Variants in NEBL observed in about 807,000 individuals in gnomAD.
NEBL encodes the protein LIM and SH3 protein 2.
In NEBL, 122 loss-of-function variants were observed where a neutral mutation model predicts 140.2. That is an observed-to-expected ratio of 0.87 (90% CI 0.75 to 1.01). The LOEUF (loss-of-function observed/expected upper bound fraction) is 1.01. Ranked by LOEUF, NEBL falls within the 50% of genes least tolerant of loss-of-function variation. NEBL has a pLI of 0.00. For synonymous variants in NEBL, 436 were observed against 398.9 expected (o/e 1.09, Z -1.11); for missense variants, 1,365 against 1,231.3 (o/e 1.11, Z -1.62).
chr10:21,050,638 G>A (rs931373831), intron 2 of NEBL, among the ~76,000 whole-genome samples: 6 of 152,176 alleles, frequency 3.9e-5, no homozygotes, highest in Non-Finnish European at 2.9e-5. Flanking sequence ...TAATTTGACT[G>A]CGTAGATTCC....
In NEBL at chr10:21,146,266, G is replaced by A; in HGVS notation, c.164+26117C>T. On this transcript the variant is annotated intron_variant, in intron 2 of 6. Coordinates refer to the NEBL transcript ENST00000417816. ...CTCTTACAGCTGCACGTGTCAGGCA[G>A]CATCATTTACATCACCACGTGGCCC... is the stretch of plus-strand genomic sequence containing the variant. 7.7e-6 allele frequency: 9 copies of A among 1,167,886 alleles called. No individual in the cohort carries two copies. The Admixed American group carries it at 1.3e-4, about 17-fold the overall frequency. 72.3% of individuals were successfully genotyped at this position (1,167,886 alleles called of 1,614,324 possible).
At position 21,267,795 on chromosome 10, in the gene NEBL, A is replaced by G. The variant is rs147155467; in HGVS notation, n.183-15967T>C. Among the ~76,000 whole-genome samples, 402 of 152,368 alleles carry G rather than the reference A, an allele frequency of 2.6e-3. 2 individuals carry two copies. Among genetic ancestry groups the G allele is most frequent in the African/African-American group, 9.1e-3 (380 of 41,588 alleles). ...AAAAATTCATTTGTTCGTCAGTTGT[A>G]CTGGCCACACTTCAAGTGCTCAGTA... On this transcript the variant is annotated intron_variant and non_coding_transcript_variant, in intron 1 of 8. Transcript: ENST00000675702.
intron 3 of NEBL, among the ~76,000 whole-genome samples, chr10:21,233,694 A>T (rs1389012668): frequency 6.9e-6 from 1 of 144,674 alleles, no homozygotes; most frequent in Non-Finnish European, 1.5e-5. Flanking sequence ...CTAGATATAG[A>T]GACATATTTA....
At chr10:21,130,328 A>G (rs1839044565) in intron 2 of NEBL, among the ~76,000 whole-genome samples, 1 of 152,160 alleles carries the variant, frequency 6.6e-6, no homozygotes, top group South Asian at 2.1e-4. Context: ...CCCCTCTATC[A>G]GTACCAGACA....
intron 4 of NEBL, 97 bp from the exon 5 acceptor site, chr10:20,881,001 C>A: frequency 1.2e-6 from 1 of 854,114 alleles, no homozygotes; most frequent in Admixed American, 1.9e-5. Flanking sequence ...ATTTGAATAC[C>A]ACCACTGATA....
intron 26 of NEBL, among the ~76,000 whole-genome samples, chr10:20,806,500 A>G (rs1214790839): frequency 6.6e-6 from 1 of 152,080 alleles, no homozygotes; most frequent in East Asian, 1.9e-4. Flanking sequence ...TCACATCTCT[A>G]CTCAAATATC....
chr10:21,203,291 G>A (rs555528293), intron 3 of NEBL, among the ~76,000 whole-genome samples: 1 of 152,186 alleles, frequency 6.6e-6, no homozygotes, highest in East Asian at 1.9e-4. Context: ...AAGCCCAGAT[G>A]GCCACAAGCT....
chr10:20,871,955 A>C (rs1439624896), intron 5 of NEBL, among the ~76,000 whole-genome samples: 6 of 152,216 alleles, frequency 3.9e-5, no homozygotes, highest in African/African-American at 1.4e-4. Flanking sequence ...TCTCAGGTGA[A>C]AACAAACCCA....
intron 3 of NEBL, among the ~76,000 whole-genome samples, chr10:21,207,606 C>A (rs1841847817): frequency 6.6e-6 from 1 of 152,024 alleles, no homozygotes; most frequent in Non-Finnish European, 1.5e-5. Context: ...CTCTCATGAC[C>A]TTGAGCTTCT....
At chr10:21,191,944 G>C (rs988246795) in intron 3 of NEBL, among the ~76,000 whole-genome samples, 5 of 152,160 alleles carry the variant, frequency 3.3e-5, no homozygotes, top group African/African-American at 1.2e-4. Flanking sequence ...GTAAAACAAA[G>C]TTTTTAGAAT....
At chr10:21,127,268 CA>C (rs1838883348) in intron 2 of NEBL, among the ~76,000 whole-genome samples, 1 of 151,928 alleles carries the variant, frequency 6.6e-6, no homozygotes, top group Non-Finnish European at 1.5e-5. Context: ...TTCAAGATAT[CA>C]AATACATAAT....
At chr10:21,017,219 T>C (rs1168235215) in intron 3 of NEBL, among the ~76,000 whole-genome samples, 2 of 152,362 alleles carry the variant, frequency 1.3e-5, no homozygotes, top group South Asian at 2.1e-4. Flanking sequence ...AAGTTGTTTA[T>C]GATTAAATAA....
At chr10:20,847,840 C>A (rs2131028417) in intron 11 of NEBL, among the ~76,000 whole-genome samples, 1 of 152,300 alleles carries the variant, frequency 6.6e-6, no homozygotes. Context: ...ATAAACCTGT[C>A]TGTTCCATTA....
At chr10:21,063,314 A>G (rs1344296936) in intron 2 of NEBL, among the ~76,000 whole-genome samples, 1 of 152,164 alleles carries the variant, frequency 6.6e-6, no homozygotes, top group Non-Finnish European at 1.5e-5. Flanking sequence ...GATCACCATC[A>G]AGGACATGGG....
intron 7 of NEBL, among the ~76,000 whole-genome samples, chr10:20,864,027 A>G (rs1222134157): frequency 6.6e-6 from 1 of 152,188 alleles, no homozygotes; most frequent in Non-Finnish European, 1.5e-5. Context: ...TTTTCATGGC[A>G]ATTTATAATG....
At chr10:21,063,010 C>T (rs1835370097) in intron 2 of NEBL, among the ~76,000 whole-genome samples, 1 of 151,930 alleles carries the variant, frequency 6.6e-6, no homozygotes, top group African/African-American at 2.4e-5. Context: ...GTTGAGTATG[C>T]AAAAGATGAG....
At chr10:20,803,661 G>C (rs1837332099) in intron 26 of NEBL, among the ~76,000 whole-genome samples, 1 of 151,766 alleles carries the variant, frequency 6.6e-6, no homozygotes, top group African/African-American at 2.4e-5. Context: ...GACTGTTACT[G>C]TTAAAAGCAC....
intron 2 of NEBL, among the ~76,000 whole-genome samples, chr10:21,120,374 C>CAAAAAAAAAAAAA (rs1157067083): frequency 2.1e-5 from 1 of 48,390 alleles, no homozygotes; most frequent in African/African-American, 9.2e-5. Context: ...GACTGTGTCT[C>CAAAAAAAAAAAAA]AAAAAAAAAA....
chr10:21,259,097 G>A (rs1285784133), intron 1 of NEBL, among the ~76,000 whole-genome samples: 1 of 147,158 alleles, frequency 6.8e-6, no homozygotes, highest in East Asian at 2.0e-4. Flanking sequence ...TAGCTTTTTT[G>A]TCTTTTTTGA....
Sources: allele counts gnomAD v4.1 joint callset (sites outside exome capture counted in the v4.1 genomes callset), GRCh38; gene constraint gnomAD v4.1.1; transcripts MANE v1.5; gene names NCBI Gene and HGNC (gene_info 2026-07-23, HGNC 2026-07-21).